Variants in ZNF782 observed in about 807,000 individuals in gnomAD.
ZNF782 encodes zinc finger protein 782.
ZNF782 carries 12 observed loss-of-function variants against 13.0 expected under a neutral mutation model. The ratio of observed to expected loss-of-function variants is 0.92; its 90% CI spans 0.59 to 1.50. The LOEUF (loss-of-function observed/expected upper bound fraction) is 1.50, where lower values mean the gene tolerates loss of function less well. Among genes scored for constraint, ZNF782 ranks in the 40% most tolerant of loss-of-function variants. ZNF782 has a pLI of 0.00. For synonymous variants in ZNF782, 284 were observed against 283.0 expected, an observed-to-expected ratio of 1.00 and a Z score of -0.04; for missense variants, 770 against 822.9, an observed-to-expected ratio of 0.94 and a Z score of 0.79.
Position 96,827,255 on chromosome 9 carries a change from AG to A in ZNF782, c.143-75del, listed in dbSNP as rs777953462. ...CTGTTTCTGAATGTGAAGAAGGTAC[AG>A]CTTCAGAAGGGGCATATTCAGGGTG... On this transcript the variant is annotated intron_variant, in intron 4 of 5. Transcript: ENST00000481138. 91 of 1,056,180 alleles carry A rather than the reference AG, an allele frequency of 8.6e-5. No individual in the cohort carries two copies. The East Asian group carries it at 2.3e-3, about 26-fold the overall frequency. 65.4% of individuals were successfully genotyped at this position (1,056,180 alleles called of 1,614,324 possible).
chr9:96,858,032 GTC>G (rs1279804973), upstream of ZNF782, among the ~76,000 whole-genome samples: 2 of 152,176 alleles, frequency 1.3e-5, no homozygotes, highest in African/African-American at 4.8e-5. The surrounding 1 kb of genome is among the most constrained non-coding windows in gnomAD (Gnocchi z 4.4). Flanking sequence ...GCAAGTTCCA[GTC>G]TCTCTTTAAG....
upstream of ZNF782, among the ~76,000 whole-genome samples, chr9:96,879,065 C>T (rs1279108134): frequency 1.3e-5 from 2 of 152,328 alleles, no homozygotes; most frequent in African/African-American, 4.8e-5. Flanking sequence ...GTGGTCCAAA[C>T]ATATATTCAT....
At chr9:96,844,822 G>A (rs972789062) in intron 4 of ZNF782, 68 bp downstream of exon 4, 3 of 1,608,554 alleles carry the variant, frequency 1.9e-6, no homozygotes, top group Admixed American at 1.7e-5. Context: ...GGTACGGTAT[G>A]GAGAGAGAGA....
At chr9:96,862,920 A>G (rs150617805) in intron 1 of ZNF782, among the ~76,000 whole-genome samples, 1 of 152,312 alleles carries the variant, frequency 6.6e-6, no homozygotes, top group African/African-American at 2.4e-5. Flanking sequence ...CTCTAGTTAC[A>G]AGGTCAGAAA....
chr9:96,897,216 T>C, the ZNF782 span, among the ~76,000 whole-genome samples: 595 of 152,308 alleles, frequency 3.9e-3, 13 homozygotes, highest in Non-Finnish European at 1.1e-3. Flanking sequence ...CTACGGAAGA[T>C]ACCAAATTCT....
chr9:96,926,538 C>CA, the ZNF782 span, among the ~76,000 whole-genome samples: 2 of 151,720 alleles, frequency 1.3e-5, no homozygotes, highest in Non-Finnish European at 2.9e-5. Context: ...AGCATCCAGA[C>CA]AGGCAGTCAC....
the ZNF782 span, among the ~76,000 whole-genome samples, chr9:96,883,167 A>G: frequency 1.3e-5 from 2 of 152,182 alleles, no homozygotes; most frequent in East Asian, 3.8e-4. Flanking sequence ...ACCAAGGACA[A>G]TATATTTTTT....
At chr9:96,843,926 A>C (rs1731236633) in intron 4 of ZNF782, among the ~76,000 whole-genome samples, 2 of 152,208 alleles carry the variant, frequency 1.3e-5, no homozygotes, top group South Asian at 2.1e-4. Context: ...AACAAACAAA[A>C]ATACTAAAAA....
intron 5 of ZNF782, among the ~76,000 whole-genome samples, chr9:96,821,727 A>C (rs1353090762): frequency 6.7e-6 from 1 of 148,880 alleles, no homozygotes; most frequent in South Asian, 2.1e-4. Context: ...GCTGGAGTGC[A>C]GTGGTGCGAT....
At chr9:96,835,416 G>C (rs1012752848) in intron 4 of ZNF782, among the ~76,000 whole-genome samples, 3 of 152,138 alleles carry the variant, frequency 2.0e-5, no homozygotes, top group African/African-American at 4.8e-5. Flanking sequence ...ATAAGCAAAA[G>C]GTCAAAACAA....
chr9:96,893,872 C>T, the ZNF782 span: 4 of 143,526 alleles, frequency 2.8e-5, no homozygotes, highest in African/African-American at 8.9e-5. Context: ...CGGTGGCGGG[C>T]GCCTGTAGTC....
chr9:96,928,096 A>G, the ZNF782 span, among the ~76,000 whole-genome samples: 2 of 151,258 alleles, frequency 1.3e-5, no homozygotes, highest in South Asian at 2.1e-4. Flanking sequence ...TGTGGTGGCC[A>G]GAGAAAAGAG....
chr9:96,863,926 G>A (rs941818972), intron 1 of ZNF782, among the ~76,000 whole-genome samples: 3 of 151,848 alleles, frequency 2.0e-5, no homozygotes, highest in African/African-American at 7.3e-5. Context: ...CTGCTCAGGT[G>A]GTAGGTGCAC....
chr9:96,868,068 AAAAGAAGTG>A (rs1851780287), intron 1 of ZNF782, among the ~76,000 whole-genome samples: 1 of 152,240 alleles, frequency 6.6e-6, no homozygotes, highest in Non-Finnish European at 1.5e-5. Flanking sequence ...GTTTTCTTGC[AAAAGAAGTG>A]GAAATAAGTA....
At chr9:96,894,708 G>C in the ZNF782 span, 1 of 152,048 alleles carries the variant, frequency 6.6e-6, no homozygotes, top group Admixed American at 6.6e-5. Context: ...TCTTTAACAA[G>C]AGGACATGCT....
intron 4 of ZNF782, among the ~76,000 whole-genome samples, chr9:96,834,800 C>G (rs928411374): frequency 6.6e-6 from 1 of 152,138 alleles, no homozygotes; most frequent in Non-Finnish European, 1.5e-5. Context: ...TTACAAACAC[C>G]TGAAAATGCG....
upstream of ZNF782, among the ~76,000 whole-genome samples, chr9:96,857,988 A>T (rs10816667): frequency 0.1 from 15,213 of 152,264 alleles, 1,015 homozygotes; most frequent in Admixed American, 0.19. Flanking sequence ...ATAATAGTAC[A>T]GTAAATATCT....
the ZNF782 span, chr9:96,890,574 T>C: frequency 2.0e-5 from 3 of 152,270 alleles, no homozygotes; most frequent in Non-Finnish European, 4.4e-5. Context: ...ACCATACTCA[T>C]TCAAATGACT....
Position 96,818,695 on chromosome 9 carries a change from G to T in ZNF782, c.1328C>A (p.Thr443Asn). 1 of 1,613,610 alleles carries T rather than the reference G, an allele frequency of 6.2e-7. No homozygotes were observed. The highest frequency in any genetic ancestry group is 8.5e-7 in the Non-Finnish European group (1 of 1,179,926). Residue 443 changes from threonine (T) to asparagine (N), a missense_variant, in exon 6 of 6, where the codon ACC (threonine) becomes AAC (asparagine). Transcript: ENST00000481138. Reference protein sequence around the residue: ...AKSGLRIHQRTHTGEKPFECH... With the variant: ...AKSGLRIHQRNHTGEKPFECH... ...TTCGAATGGTTTCTCCCCTGTGTGG[G>T]TTCTCTGGTGTATTCTTAGGCCTGA...
Sources: allele counts gnomAD v4.1 joint callset (sites outside exome capture counted in the v4.1 genomes callset), GRCh38; gene constraint gnomAD v4.1.1; non-coding constraint Gnocchi (gnomAD v3.1); transcripts MANE v1.5; gene names NCBI Gene and HGNC (gene_info 2026-07-23, HGNC 2026-07-21).